Variants in TOX observed in about 807,000 individuals in gnomAD.
TOX encodes thymocyte selection associated high mobility group box.
In TOX, 11 loss-of-function variants were observed where a neutral mutation model predicts 53.7. The ratio of observed to expected loss-of-function variants is 0.20; its 90% CI spans 0.13 to 0.34. The LOEUF is 0.34. TOX is among the 10% of genes least tolerant of loss of function. TOX has a pLI of 1.00. For missense variants in TOX, 570 were observed against 664.6 expected (o/e 0.86, Z 1.56); for synonymous variants, 225 against 245.3 (o/e 0.92, Z 0.77).
intron 1 of TOX, among the ~76,000 whole-genome samples, chr8:59,091,129 A>C (rs953578840): frequency 6.6e-6 from 1 of 152,088 alleles, no homozygotes; most frequent in African/African-American, 2.4e-5. Flanking sequence ...TCTCAGGTAA[A>C]TGCAGTGAAA....
intron 1 of TOX, among the ~76,000 whole-genome samples, chr8:59,040,625 C>A (rs1269221744): frequency 2.9e-4 from 44 of 152,228 alleles, no homozygotes; most frequent in Non-Finnish European, 1.5e-5. Flanking sequence ...CATGCCCTAG[C>A]CAACTACTGA....
At chr8:58,896,548 G>A (rs1811650132) in intron 3 of TOX, among the ~76,000 whole-genome samples, 1 of 152,130 alleles carries the variant, frequency 6.6e-6, no homozygotes, top group African/African-American at 2.4e-5. Flanking sequence ...GGTGGCATGT[G>A]CCTATAATCC....
chr8:59,035,634 T>C (rs1326923204), intron 1 of TOX, among the ~76,000 whole-genome samples: 1 of 152,278 alleles, frequency 6.6e-6, no homozygotes, highest in East Asian at 1.9e-4. Flanking sequence ...TCAATTTTTT[T>C]TATCAGTTAT....
At position 58,942,645 on chromosome 8, in the gene TOX, T is replaced by C. The variant is rs1310671754; in HGVS notation, c.169-3101A>G. 2.6e-5 allele frequency among the ~76,000 whole-genome samples: 4 copies of C among 152,316 alleles called. No homozygotes were observed. In the East Asian group the frequency reaches 5.8e-4, roughly 22 times the overall value. On this transcript the variant is annotated intron_variant, in intron 2 of 8. Transcript: ENST00000361421. ...TTAATGTGGAAATGAATTTGCTAAT[T>C]CTTCATCATTGGTTTCTATGACATG... is the stretch of plus-strand genomic sequence containing the variant.
chr8:59,057,278 T>C (rs1258568236), intron 1 of TOX, among the ~76,000 whole-genome samples: 8 of 152,088 alleles, frequency 5.3e-5, no homozygotes, highest in Non-Finnish European at 1.0e-4. Flanking sequence ...CCATATCTTG[T>C]AGAAAAAAAA....
chr8:59,075,280 A>G (rs1804272315), intron 1 of TOX, among the ~76,000 whole-genome samples: 1 of 152,146 alleles, frequency 6.6e-6, no homozygotes, highest in African/African-American at 2.4e-5. Context: ...TGACATAGTG[A>G]ATAGTCTAAG....
At chr8:58,914,696 G>T (rs1811971967) in intron 3 of TOX, among the ~76,000 whole-genome samples, 1 of 152,184 alleles carries the variant, frequency 6.6e-6, no homozygotes, top group African/African-American at 2.4e-5. Context: ...CTCTGGGGAG[G>T]AGCCAAGATG....
At chr8:58,931,570 T>C (rs17298221) in intron 3 of TOX, among the ~76,000 whole-genome samples, 12,561 of 152,232 alleles carry the variant, frequency 0.083, 617 homozygotes, top group South Asian at 0.19. Context: ...AGGAACTTCC[T>C]GGAAAGAATC....
chr8:58,875,023 A>G (rs189904541), intron 3 of TOX, among the ~76,000 whole-genome samples: 7 of 152,302 alleles, frequency 4.6e-5, no homozygotes, highest in Admixed American at 3.3e-4. Context: ...CGATCTAAAC[A>G]CTCAGGAGGA....
At chr8:59,015,702 C>A (rs1305438066) in intron 1 of TOX, among the ~76,000 whole-genome samples, 1 of 152,044 alleles carries the variant, frequency 6.6e-6, no homozygotes, top group Non-Finnish European at 1.5e-5. Flanking sequence ...AGCTGACTAA[C>A]CCTGAAATAA....
chr8:58,883,976 A>G (rs1040601238), intron 3 of TOX, among the ~76,000 whole-genome samples: 1 of 152,180 alleles, frequency 6.6e-6, no homozygotes, highest in Non-Finnish European at 1.5e-5. Context: ...GTCAGTTTTA[A>G]AAGCCTCACA....
At chr8:58,880,090 G>T (rs190814898) in intron 3 of TOX, among the ~76,000 whole-genome samples, 7 of 152,106 alleles carry the variant, frequency 4.6e-5, no homozygotes, top group African/African-American at 1.7e-4. Flanking sequence ...AGCAGCTTCC[G>T]TAGCTACTAA....
At chr8:58,817,869 CA>C (rs1810207454) in intron 6 of TOX, among the ~76,000 whole-genome samples, 1 of 151,990 alleles carries the variant, frequency 6.6e-6, no homozygotes, top group African/African-American at 2.4e-5. Context: ...AAAATGTTTT[CA>C]TTTTTAATTT....
At chr8:59,082,724 C>A (rs1365992570) in intron 1 of TOX, among the ~76,000 whole-genome samples, 6 of 152,076 alleles carry the variant, frequency 3.9e-5, no homozygotes, top group Non-Finnish European at 5.9e-5. Flanking sequence ...CTGAAGAATA[C>A]CATTGAGAAG....
intron 1 of TOX, among the ~76,000 whole-genome samples, chr8:59,100,565 G>A (rs1442088199): frequency 2.0e-5 from 3 of 152,200 alleles, no homozygotes; most frequent in Non-Finnish European, 4.4e-5. Flanking sequence ...GAAGAAATGA[G>A]ATGGTAAGAA....
At position 58,872,920 on chromosome 8, in the gene TOX, T is replaced by A. The variant is rs1420203432; in HGVS notation, c.412-21115A>T. Among the ~76,000 whole-genome samples the A allele has an allele frequency of 2.0e-5, 3 of 152,302 alleles. No individual in the cohort carries two copies. The East Asian group carries it at 5.8e-4, about 29-fold the overall frequency. ...ATTAATTGTGACACATATATCATAC[T>A]AATGTAAGATGTTAAAAATAGGGGA... On this transcript the variant is annotated intron_variant, in intron 3 of 8. Coordinates refer to ENST00000361421, the MANE Select transcript of TOX (RefSeq NM_014729.3).
chr8:58,861,809 T>C (rs993287124), intron 3 of TOX, among the ~76,000 whole-genome samples: 1 of 152,200 alleles, frequency 6.6e-6, no homozygotes, highest in African/African-American at 2.4e-5. Context: ...CCACGGAATG[T>C]TAATGGGATG....
chr8:59,022,168 A>AC (rs780796801), intron 1 of TOX, among the ~76,000 whole-genome samples: 3 of 152,210 alleles, frequency 2.0e-5, no homozygotes, highest in Non-Finnish European at 4.4e-5. Context: ...TAGACTGAAT[A>AC]TTTTAACTAT....
At chr8:59,080,410 C>T (rs1019753803) in intron 1 of TOX, among the ~76,000 whole-genome samples, 15 of 152,048 alleles carry the variant, frequency 9.9e-5, no homozygotes, top group Non-Finnish European at 1.3e-4. Flanking sequence ...AGGTACTCCC[C>T]TTGTCTCGAT....
Sources: gnomAD v4.1 joint callset for allele counts (sites outside exome capture counted in the v4.1 genomes callset) on GRCh38, gnomAD v4.1.1 for gene constraint, MANE v1.5 for transcripts, NCBI Gene and HGNC (gene_info 2026-07-23, HGNC 2026-07-21) for gene names.